GPC5: variants seen among roughly 807,000 people sequenced by gnomAD.
The protein encoded by GPC5 is glypican-5.
GPC5 carries 47 observed loss-of-function variants against 53.9 expected under a neutral mutation model. That is an observed-to-expected ratio of 0.87 (90% CI 0.69 to 1.11). GPC5 has a LOEUF of 1.11. Among genes scored for constraint, GPC5 ranks in the 50% most tolerant of loss-of-function variants. GPC5 has a pLI of 0.00. For missense variants in GPC5, 748 were observed against 713.1 expected (o/e 1.05, Z -0.56); for synonymous variants, 286 against 263.3 (o/e 1.09, Z -0.84).
At chr13:91,923,940 ACT>A (rs377744666) in intron 6 of GPC5, among the ~76,000 whole-genome samples, 3 of 151,986 alleles carry the variant, frequency 2.0e-5, no homozygotes, top group African/African-American at 7.2e-5. Context: ...TGCTAAATTC[ACT>A]CTCTCCTAGT....
At chr13:92,365,228 T>A (rs2139286820) in intron 7 of GPC5, among the ~76,000 whole-genome samples, 1 of 151,900 alleles carries the variant, frequency 6.6e-6, no homozygotes, top group Admixed American at 6.5e-5. Context: ...ACCTGCATAG[T>A]ACGTTATTGT....
chr13:91,924,037 G>C (rs2039743328), intron 6 of GPC5, among the ~76,000 whole-genome samples: 1 of 151,938 alleles, frequency 6.6e-6, no homozygotes, highest in Non-Finnish European at 1.5e-5. Context: ...CCAAGAAGAG[G>C]CTCAATATTT....
intron 7 of GPC5, among the ~76,000 whole-genome samples, chr13:92,674,016 T>TA (rs1886844426): frequency 6.6e-6 from 1 of 152,200 alleles, no homozygotes; most frequent in Non-Finnish European, 1.5e-5. Flanking sequence ...AGGTGGAACA[T>TA]AAACCACTTA....
intron 5 of GPC5, among the ~76,000 whole-genome samples, chr13:91,766,828 C>A (rs2037535307): frequency 6.6e-6 from 1 of 152,070 alleles, no homozygotes; most frequent in African/African-American, 2.4e-5. Context: ...CCACTGCACT[C>A]CAGCCTGGGT....
At chr13:91,713,962 G>T (rs2036281765) in intron 3 of GPC5, among the ~76,000 whole-genome samples, 1 of 152,010 alleles carries the variant, frequency 6.6e-6, no homozygotes, top group South Asian at 2.1e-4. Flanking sequence ...CTCCTCCACT[G>T]CCCTATCCCA....
At chr13:91,403,255 A>G (rs1217848763) in intron 1 of GPC5, among the ~76,000 whole-genome samples, 1 of 152,210 alleles carries the variant, frequency 6.6e-6, no homozygotes, top group Non-Finnish European at 1.5e-5. Flanking sequence ...ACTGGAAACA[A>G]GATTGTAGTA....
At chr13:92,791,825 T>G (rs1392456987) in intron 7 of GPC5, among the ~76,000 whole-genome samples, 1 of 152,138 alleles carries the variant, frequency 6.6e-6, no homozygotes, top group Non-Finnish European at 1.5e-5. Flanking sequence ...ACATTATTAT[T>G]TTTTTAAAAC....
chr13:92,063,014 A>G (rs1057160849), intron 6 of GPC5, among the ~76,000 whole-genome samples: 4 of 151,278 alleles, frequency 2.6e-5, no homozygotes, highest in Non-Finnish European at 5.9e-5. Context: ...GAGAGATAGT[A>G]AAAGAGTGGT....
intron 6 of GPC5, among the ~76,000 whole-genome samples, chr13:92,031,731 ACATAT>A (rs1269876482): frequency 1.0e-4 from 8 of 79,000 alleles, no homozygotes; most frequent in Admixed American, 1.8e-4. Context: ...GTAATATATT[ACATAT>A]TATATATAAT....
At chr13:91,885,246 T>C (rs2039309736) in intron 5 of GPC5, among the ~76,000 whole-genome samples, 1 of 152,220 alleles carries the variant, frequency 6.6e-6, no homozygotes, top group Non-Finnish European at 1.5e-5. Flanking sequence ...AACCTGATAC[T>C]GATGATTTTC....
chr13:92,755,106 G>T (rs1392521385), intron 7 of GPC5, among the ~76,000 whole-genome samples: 2 of 149,254 alleles, frequency 1.3e-5, no homozygotes, highest in Admixed American at 6.7e-5. Context: ...AAATGTAAAA[G>T]AACAGAAATT....
chr13:92,172,960 C>A (rs73622767), intron 7 of GPC5, among the ~76,000 whole-genome samples: 1 of 95,366 alleles, frequency 1.0e-5, no homozygotes, highest in Non-Finnish European at 2.6e-5. Flanking sequence ...TTTGACTATA[C>A]CTGTTAACAA....
chr13:91,980,926 C>G (rs1438905704), intron 6 of GPC5, among the ~76,000 whole-genome samples: 1 of 152,148 alleles, frequency 6.6e-6, no homozygotes, highest in African/African-American at 2.4e-5. Context: ...GTGTATAGTT[C>G]TAGTTTTATT....
intron 5 of GPC5, among the ~76,000 whole-genome samples, chr13:91,877,527 G>A (rs184448361): frequency 5.3e-5 from 8 of 152,160 alleles, no homozygotes; most frequent in East Asian, 1.9e-4. Context: ...GCCCTGTAAC[G>A]TCTTTGTTTT....
At chr13:91,762,627 G>A (rs2037438721) in intron 5 of GPC5, among the ~76,000 whole-genome samples, 2 of 147,018 alleles carry the variant, frequency 1.4e-5, no homozygotes, top group African/African-American at 5.0e-5. Flanking sequence ...TATCCAATCA[G>A]TTTCTCATAT....
chr13:91,873,314 G>A (rs1240630634), intron 5 of GPC5, among the ~76,000 whole-genome samples: 1 of 152,072 alleles, frequency 6.6e-6, no homozygotes, highest in Non-Finnish European at 1.5e-5. Flanking sequence ...ACCAAACTGG[G>A]GCAGGTTTTT....
chr13:91,980,755 C>T (rs1334678564), intron 6 of GPC5, among the ~76,000 whole-genome samples: 1 of 152,126 alleles, frequency 6.6e-6, no homozygotes, highest in Non-Finnish European at 1.5e-5. Context: ...AAACCATTAC[C>T]AGCACACCAG....
intron 7 of GPC5, among the ~76,000 whole-genome samples, chr13:92,457,626 A>G (rs180844997): frequency 6.6e-6 from 1 of 152,330 alleles, no homozygotes; most frequent in East Asian, 1.9e-4. Flanking sequence ...TCATCATAGT[A>G]TTCAGGGTTG....
intron 6 of GPC5, chr13:91,994,925 TGTTTA>T (rs1291656435): frequency 6.6e-6 from 1 of 152,200 alleles, no homozygotes; most frequent in Non-Finnish European, 1.5e-5. Context: ...TTTGCTTGTT[TGTTTA>T]GTTGACAATG....
Sources: allele counts gnomAD v4.1 joint callset (sites outside exome capture counted in the v4.1 genomes callset), GRCh38; gene constraint gnomAD v4.1.1; transcripts MANE v1.5; gene names NCBI Gene and HGNC (gene_info 2026-07-23, HGNC 2026-07-21).